PMFBP1: variants seen among roughly 807,000 people sequenced by gnomAD.
PMFBP1 encodes polyamine-modulated factor 1-binding protein 1.
In PMFBP1, 131 loss-of-function variants were observed where a neutral mutation model predicts 137.8. The ratio of observed to expected loss-of-function variants is 0.95; its 90% confidence interval spans 0.82 to 1.10. The LOEUF (loss-of-function observed/expected upper bound fraction) is 1.10. Among genes scored for constraint, PMFBP1 ranks in the 50% least tolerant of loss-of-function variants. The pLI, the probability that PMFBP1 is intolerant of heterozygous loss-of-function variation, is 0.00. For missense variants in PMFBP1, 1,199 were observed against 1,175.4 expected, an observed-to-expected ratio of 1.02 and a Z score of -0.29; for synonymous variants, 490 against 450.4, an observed-to-expected ratio of 1.09 and a Z score of -1.11.
chr16:72,228,488 C>T, the PMFBP1 span, among the ~76,000 whole-genome samples: 1 of 152,186 alleles, frequency 6.6e-6, no homozygotes, highest in South Asian at 2.1e-4. Flanking sequence ...TGCTGAGACA[C>T]TCTTCTCCCG....
chr16:72,209,829 T>A, the PMFBP1 span, among the ~76,000 whole-genome samples: 1 of 152,150 alleles, frequency 6.6e-6, no homozygotes, highest in African/African-American at 2.4e-5. Context: ...TATTTGGCCA[T>A]GGGAGGCACA....
chr16:72,173,266 C>T (rs765751769), upstream of PMFBP1, among the ~76,000 whole-genome samples: 6 of 152,240 alleles, frequency 3.9e-5, no homozygotes, highest in Non-Finnish European at 7.3e-5. Context: ...ACTATGAACT[C>T]ACCCAAGTAT....
chr16:72,181,028 C>G (rs1016941539), upstream of PMFBP1, among the ~76,000 whole-genome samples: 84 of 152,206 alleles, frequency 5.5e-4, 1 homozygote, highest in African/African-American at 1.8e-3. Context: ...ATCACGAGGT[C>G]AAGAGATCGA....
chr16:72,132,201 G>A (rs1014364543), intron 10 of PMFBP1, among the ~76,000 whole-genome samples: 19 of 152,078 alleles, frequency 1.2e-4, no homozygotes, highest in Non-Finnish European at 2.5e-4. Context: ...ACAAAGTCAC[G>A]CAACCATCAC....
chr16:72,192,312 G>A, the PMFBP1 span, among the ~76,000 whole-genome samples: 2 of 152,054 alleles, frequency 1.3e-5, no homozygotes, highest in African/African-American at 4.8e-5. Context: ...CAGGTATTTT[G>A]TTTCACCTAA....
intron 3 of PMFBP1, 79 bp from the exon 4 acceptor site, chr16:72,154,538 T>C: frequency 1.4e-6 from 2 of 1,475,260 alleles, no homozygotes. Context: ...TTTTTTTCAT[T>C]TGTTCAGTCA....
At chr16:72,170,743 G>A (rs181132738) in intron 2 of PMFBP1, among the ~76,000 whole-genome samples, 3 of 152,164 alleles carry the variant, frequency 2.0e-5, no homozygotes, top group African/African-American at 4.8e-5. Flanking sequence ...CATAAACACA[G>A]TTTGACCAAA....
the PMFBP1 span, among the ~76,000 whole-genome samples, chr16:72,197,602 C>T: frequency 7.9e-5 from 12 of 152,138 alleles, no homozygotes; most frequent in South Asian, 8.3e-4. Context: ...GTTATGTCCC[C>T]GGCTGCCCTC....
chr16:72,129,060 A>C lies in PMFBP1; in HGVS notation c.1950+6T>G, dbSNP rs1597462287. On this transcript the variant is annotated splice_donor_region_variant and intron_variant, in intron 13 of 20. Transcript: ENST00000237353. ...GACCCAGCTCTCCTGGGATTCTCCC[A>C]CTCACCGTCTTGTCTTTCTTTTTAA... 1 of 1,612,956 alleles carries C rather than the reference A, an allele frequency of 6.2e-7. No homozygotes were observed. Among genetic ancestry groups the C allele is most frequent in the Non-Finnish European group, 8.5e-7 (1 of 1,179,566 alleles).
chr16:72,194,711 G>T, the PMFBP1 span, among the ~76,000 whole-genome samples: 2 of 152,172 alleles, frequency 1.3e-5, no homozygotes, highest in South Asian at 2.1e-4. Context: ...CTTTGGGCAG[G>T]ATATAGATAT....
chr16:72,201,643 T>C, the PMFBP1 span, among the ~76,000 whole-genome samples: 5 of 152,350 alleles, frequency 3.3e-5, 1 homozygote, highest in African/African-American at 9.6e-5. Context: ...GATCAAGGCA[T>C]TGCAGTGCAT....
At chr16:72,182,790 C>A in the PMFBP1 span, among the ~76,000 whole-genome samples, 1 of 152,160 alleles carries the variant, frequency 6.6e-6, no homozygotes, top group South Asian at 2.1e-4. Flanking sequence ...ATGTAACAGT[C>A]CTGTTGGTTT....
rs16973723 is a variant in PMFBP1 at position 72,130,833 on chromosome 16, C to G, written c.1448-111G>C. 0.01 allele frequency: 9,586 copies of G among 942,752 alleles called. 629 individuals are homozygous for G. In the African/African-American group the frequency reaches 0.14, roughly 14 times the overall value. 58.4% of individuals were successfully genotyped at this position (942,752 alleles called of 1,614,324 possible). On this transcript the variant is annotated intron_variant, in intron 10 of 20. Coordinates refer to ENST00000237353, the MANE Select transcript of PMFBP1 (RefSeq NM_031293.3). Reference sequence around the variant, plus strand: ...TCATTTTGTGCCCTACTTCAGTTCCCAGTCTGTCCTCATTTCTCTCCATTT... The same window carrying G: ...TCATTTTGTGCCCTACTTCAGTTCCGAGTCTGTCCTCATTTCTCTCCATTT...
chr16:72,203,840 T>C, the PMFBP1 span, among the ~76,000 whole-genome samples: 8 of 152,200 alleles, frequency 5.3e-5, no homozygotes, highest in African/African-American at 1.9e-4. Flanking sequence ...GACTGACCCT[T>C]AATCAAAACA....
the PMFBP1 span, among the ~76,000 whole-genome samples, chr16:72,185,213 G>A: frequency 1.1e-4 from 17 of 151,888 alleles, no homozygotes; most frequent in African/African-American, 3.9e-4. Context: ...TAGTAGATAC[G>A]GGGTTTCACC....
At chr16:72,203,986 G>C in the PMFBP1 span, among the ~76,000 whole-genome samples, 3 of 152,162 alleles carry the variant, frequency 2.0e-5, no homozygotes, top group Non-Finnish European at 2.9e-5. Flanking sequence ...CTGCCAGGGA[G>C]GACCCTGTCT....
At chr16:72,220,923 C>T in the PMFBP1 span, among the ~76,000 whole-genome samples, 8 of 152,188 alleles carry the variant, frequency 5.3e-5, no homozygotes, top group Non-Finnish European at 1.2e-4. Context: ...CCCTGGACAT[C>T]TTCACTAGGT....
At chr16:72,137,351 G>C (rs917215673) in intron 7 of PMFBP1, among the ~76,000 whole-genome samples, 1 of 152,190 alleles carries the variant, frequency 6.6e-6, no homozygotes, top group Non-Finnish European at 1.5e-5. Context: ...ACCTAGTGGG[G>C]TGAGATGAAG....
At chr16:72,239,010 CCAAAAAAA>C in the PMFBP1 span, among the ~76,000 whole-genome samples, 2 of 151,198 alleles carry the variant, frequency 1.3e-5, no homozygotes, top group African/African-American at 2.4e-5. Flanking sequence ...TAAAATATAC[CCAAAAAAA>C]CAAAAAAACA....
Sources: allele counts gnomAD v4.1 joint callset (sites outside exome capture counted in the v4.1 genomes callset), GRCh38; gene constraint gnomAD v4.1.1; transcripts MANE v1.5; gene names NCBI Gene and HGNC (gene_info 2026-07-23, HGNC 2026-07-21).